CSMD1: variants seen among roughly 807,000 people sequenced by gnomAD.
The protein encoded by CSMD1 is CUB and sushi domain-containing protein 1.
A neutral mutation model predicts 417.5 loss-of-function variants in CSMD1; 213 were observed. The observed-to-expected ratio is 0.51, with a 90% CI of 0.46 to 0.57. The LOEUF (loss-of-function observed/expected upper bound fraction) is 0.57, where lower values mean the gene tolerates loss of function less well. CSMD1 is among the 20% of genes least tolerant of loss of function. The pLI is 0.00. For synonymous variants in CSMD1, 2,862 were observed against 1,736.8 expected, an observed-to-expected ratio of 1.65 and a Z score of -16.11; for missense variants, 6,923 against 4,529.7, an observed-to-expected ratio of 1.53 and a Z score of -15.17.
At chr8:3,820,633 T>A (rs560571573) in intron 5 of CSMD1, among the ~76,000 whole-genome samples, 2 of 152,352 alleles carry the variant, frequency 1.3e-5, no homozygotes, top group African/African-American at 2.4e-5. Flanking sequence ...TGGAGCGTAG[T>A]GGCGTAATCT....
chr8:3,646,834 C>A (rs1294551133), intron 7 of CSMD1, among the ~76,000 whole-genome samples: 1 of 152,148 alleles, frequency 6.6e-6, no homozygotes, highest in African/African-American at 2.4e-5. Flanking sequence ...TCCTCCCACC[C>A]GCTGGCTGCT....
chr8:4,080,661 A>G (rs1800083174), intron 3 of CSMD1, among the ~76,000 whole-genome samples: 1 of 152,204 alleles, frequency 6.6e-6, no homozygotes, highest in Admixed American at 6.5e-5. Flanking sequence ...ACAAGACAAA[A>G]GTAACAGAAT....
intron 2 of CSMD1, among the ~76,000 whole-genome samples, chr8:4,496,404 T>C (rs1332556603): frequency 6.6e-6 from 1 of 152,078 alleles, no homozygotes; most frequent in African/African-American, 2.4e-5. Flanking sequence ...GCTGATGAGA[T>C]TCATGTGCCA....
chr8:4,090,690 T>A (rs1800671114), intron 3 of CSMD1, among the ~76,000 whole-genome samples: 1 of 152,218 alleles, frequency 6.6e-6, no homozygotes, highest in African/African-American at 2.4e-5. Flanking sequence ...TAATTTTATC[T>A]CTAGTAGGTT....
chr8:3,854,593 C>A (rs921524822), intron 5 of CSMD1, among the ~76,000 whole-genome samples: 112 of 152,122 alleles, frequency 7.4e-4, no homozygotes, highest in African/African-American at 2.6e-3. Flanking sequence ...AACTCCCTCA[C>A]CCAAGGAGAT....
intron 3 of CSMD1, among the ~76,000 whole-genome samples, chr8:4,039,101 A>C (rs899615936): frequency 3.3e-5 from 5 of 152,196 alleles, no homozygotes; most frequent in African/African-American, 1.2e-4. Flanking sequence ...AGGCTATCGA[A>C]AGGAAGTTTA....
intron 3 of CSMD1, among the ~76,000 whole-genome samples, chr8:4,399,400 G>C (rs965286525): frequency 2.6e-5 from 4 of 152,106 alleles, no homozygotes; most frequent in African/African-American, 7.2e-5. Context: ...CATAGGCAAG[G>C]GCTAAAGAGG....
intron 10 of CSMD1, among the ~76,000 whole-genome samples, chr8:3,557,297 T>A (rs1799200228): frequency 6.6e-6 from 1 of 152,222 alleles, no homozygotes; most frequent in Non-Finnish European, 1.5e-5. Flanking sequence ...TACCTATTTT[T>A]AACAAAAGAC....
At chr8:4,950,289 C>A (rs1396707276) in intron 1 of CSMD1, among the ~76,000 whole-genome samples, 1 of 152,030 alleles carries the variant, frequency 6.6e-6, no homozygotes, top group Non-Finnish European at 1.5e-5. Flanking sequence ...ATGGTTAATT[C>A]TGATTAGTAA....
chr8:3,118,694 A>G (rs967314407), intron 41 of CSMD1, 107 bp from the exon 42 acceptor site: 1 of 903,196 alleles, frequency 1.1e-6, no homozygotes, highest in South Asian at 1.7e-5. Flanking sequence ...AAGTTGTTGG[A>G]TAAGTTTAAT....
chr8:4,125,695 T>C lies in CSMD1; in HGVS notation c.416-93596A>G, dbSNP rs568690800. 9.8e-5 allele frequency among the ~76,000 whole-genome samples: 15 copies of C among 152,292 alleles called. No homozygotes were observed. The South Asian group carries it at 2.5e-3, about 25-fold the overall frequency. On this transcript the variant is annotated intron_variant, in intron 3 of 69. Coordinates refer to ENST00000635120, the MANE Select transcript of CSMD1 (RefSeq NM_033225.6). Reference sequence around the variant, plus strand: ...AGTTGTCCTTGTTCATTCCTGGGCATAGGCTGAACTAAATTTGCGAAGGAA... The same window carrying C: ...AGTTGTCCTTGTTCATTCCTGGGCACAGGCTGAACTAAATTTGCGAAGGAA...
intron 5 of CSMD1, among the ~76,000 whole-genome samples, chr8:3,873,987 G>A (rs755034541): frequency 2.2e-4 from 33 of 152,192 alleles, no homozygotes; most frequent in Non-Finnish European, 4.0e-4. Context: ...ACATAGGTCT[G>A]TTTATACACA....
chr8:3,843,064 G>A (rs1220536380), intron 5 of CSMD1, among the ~76,000 whole-genome samples: 1 of 152,096 alleles, frequency 6.6e-6, no homozygotes, highest in African/African-American at 2.4e-5. Flanking sequence ...ATGTTGTAAT[G>A]AGTTTCTATT....
chr8:4,185,140 A>G (rs1359234045), intron 3 of CSMD1, among the ~76,000 whole-genome samples: 5 of 3,100 alleles, frequency 1.6e-3, no homozygotes, highest in Non-Finnish European at 2.7e-3. Flanking sequence ...TTTTGCCTCA[A>G]AAAAAAAAAA....
intron 4 of CSMD1, among the ~76,000 whole-genome samples, chr8:4,003,584 C>T (rs1040832452): frequency 6.6e-6 from 1 of 151,958 alleles, no homozygotes; most frequent in Non-Finnish European, 1.5e-5. Flanking sequence ...GATAGGCATT[C>T]AAATTAAAAC....
chr8:3,093,772 C>T (rs1815111042), intron 47 of CSMD1, among the ~76,000 whole-genome samples: 1 of 152,010 alleles, frequency 6.6e-6, no homozygotes, highest in South Asian at 2.1e-4. Flanking sequence ...AACCACAAAC[C>T]AAAACTAGCA....
intron 29 of CSMD1, among the ~76,000 whole-genome samples, chr8:3,214,898 A>C (rs1585678964): frequency 6.6e-6 from 1 of 152,340 alleles, no homozygotes; most frequent in East Asian, 1.9e-4. Flanking sequence ...TTTTAATAAA[A>C]TTATATTTCC....
chr8:2,973,785 T>C (rs1051730918), intron 56 of CSMD1, among the ~76,000 whole-genome samples: 1 of 152,252 alleles, frequency 6.6e-6, no homozygotes, highest in Non-Finnish European at 1.5e-5. Flanking sequence ...TAATGTTTTT[T>C]TTCTTCCAAA....
chr8:4,439,941 G>T (rs1798370689), intron 2 of CSMD1, among the ~76,000 whole-genome samples: 1 of 152,168 alleles, frequency 6.6e-6, no homozygotes, highest in African/African-American at 2.4e-5. Context: ...TATGTTTACA[G>T]TTTCCACACA....
Sources: allele counts gnomAD v4.1 joint callset (sites outside exome capture counted in the v4.1 genomes callset), GRCh38; gene constraint gnomAD v4.1.1; transcripts MANE v1.5; gene names NCBI Gene and HGNC (gene_info 2026-07-23, HGNC 2026-07-21).